MACROD2: variants seen among roughly 807,000 people sequenced by gnomAD.
MACROD2 encodes ADP-ribose glycohydrolase MACROD2.
A neutral mutation model predicts 70.4 loss-of-function variants in MACROD2; 36 were observed. The ratio of observed to expected loss-of-function variants is 0.51; its 90% confidence interval spans 0.39 to 0.68. The LOEUF is 0.68. MACROD2 is among the 30% of genes least tolerant of loss of function. MACROD2 has a pLI of 0.00. For synonymous variants in MACROD2, 172 were observed against 178.8 expected (o/e 0.96, Z 0.30); for missense variants, 496 against 538.4 (o/e 0.92, Z 0.78).
intron 6 of MACROD2, among the ~76,000 whole-genome samples, chr20:15,241,903 G>A (rs2077063284): frequency 6.6e-6 from 1 of 152,004 alleles, no homozygotes; most frequent in East Asian, 1.9e-4. Flanking sequence ...GACATGTTCT[G>A]TTGCTCACAA....
rs572017331 is a variant in MACROD2 at position 14,484,026 on chromosome 20, T to A, written c.272-9453T>A. Among the ~76,000 whole-genome samples the A allele has an allele frequency of 3.9e-5, 6 of 152,164 alleles. No individual in the cohort carries two copies. The South Asian group carries it at 6.2e-4, about 16-fold the overall frequency. ...AGGTGAAAATGTTTCATTGATGTAG[T>A]TTACATTTACATCAGAAGCACCCCA... is the stretch of plus-strand genomic sequence containing the variant. On this transcript the variant is annotated intron_variant, in intron 3 of 17. Coordinates refer to ENST00000684519, the MANE Select transcript of MACROD2 (RefSeq NM_001351661.2).
chr20:15,529,625 TG>T (rs1210883886), intron 8 of MACROD2, among the ~76,000 whole-genome samples: 1 of 151,528 alleles, frequency 6.6e-6, no homozygotes, highest in South Asian at 2.1e-4. Flanking sequence ...TTAAGTGAAT[TG>T]AAAAAAAAAT....
At chr20:14,059,726 A>T (rs1435455675) in intron 2 of MACROD2, among the ~76,000 whole-genome samples, 1 of 152,232 alleles carries the variant, frequency 6.6e-6, no homozygotes, top group African/African-American at 2.4e-5. Context: ...GATAGTCATG[A>T]ACGAAACAGG....
chr20:15,614,035 C>A (rs1384014241), intron 8 of MACROD2, among the ~76,000 whole-genome samples: 1 of 152,182 alleles, frequency 6.6e-6, no homozygotes, highest in Non-Finnish European at 1.5e-5. Context: ...ATATCAATAA[C>A]CCAGACTCAC....
At chr20:14,274,309 G>A (rs2082228754) in intron 3 of MACROD2, among the ~76,000 whole-genome samples, 1 of 152,156 alleles carries the variant, frequency 6.6e-6, no homozygotes, top group Non-Finnish European at 1.5e-5. Flanking sequence ...GATCAAGTGG[G>A]CTTCATCCCT....
chr20:14,249,440 A>T (rs1271750655), intron 3 of MACROD2, among the ~76,000 whole-genome samples: 2 of 151,796 alleles, frequency 1.3e-5, no homozygotes, highest in Non-Finnish European at 2.9e-5. Context: ...GGTGGCAGGG[A>T]TGGAGAAAAG....
At chr20:14,161,273 C>T (rs535822146) in intron 3 of MACROD2, among the ~76,000 whole-genome samples, 27 of 150,902 alleles carry the variant, frequency 1.8e-4, no homozygotes, top group African/African-American at 4.9e-4. Context: ...CTGCAATCTC[C>T]GCCTCTTGGG....
intron 8 of MACROD2, among the ~76,000 whole-genome samples, chr20:15,698,850 C>G (rs2050413910): frequency 6.6e-6 from 1 of 152,118 alleles, no homozygotes; most frequent in South Asian, 2.1e-4. Flanking sequence ...TTTCTTTCTT[C>G]TACTTGTTCA....
At chr20:14,849,546 C>T (rs117930954) in intron 5 of MACROD2, among the ~76,000 whole-genome samples, 1 of 151,876 alleles carries the variant, frequency 6.6e-6, no homozygotes, top group South Asian at 2.1e-4. Context: ...TTTGGGAGGC[C>T]GAGACAGGTG....
intron 5 of MACROD2, among the ~76,000 whole-genome samples, chr20:15,150,792 T>C (rs2076263763): frequency 6.6e-6 from 1 of 151,908 alleles, no homozygotes; most frequent in Admixed American, 6.6e-5. Flanking sequence ...AGTTAAAGTG[T>C]CTCGGCCTAA....
chr20:14,620,015 C>G (rs866432689), intron 4 of MACROD2, among the ~76,000 whole-genome samples: 28 of 152,238 alleles, frequency 1.8e-4, no homozygotes, highest in African/African-American at 6.3e-4. Context: ...TGACATTTGT[C>G]ACTTTGAGAC....
chr20:14,603,670 A>G (rs888735123), intron 4 of MACROD2, among the ~76,000 whole-genome samples: 6 of 152,176 alleles, frequency 3.9e-5, no homozygotes, highest in African/African-American at 1.4e-4. Flanking sequence ...AGTACCTATT[A>G]TAGACATGAC....
intron 4 of MACROD2, among the ~76,000 whole-genome samples, chr20:14,534,204 C>G (rs757868932): frequency 6.6e-6 from 1 of 152,162 alleles, no homozygotes; most frequent in Non-Finnish European, 1.5e-5. Flanking sequence ...TCGAGCGTTG[C>G]TTTATCTGGA....
At chr20:15,081,179 A>G (rs2075700420) in intron 5 of MACROD2, among the ~76,000 whole-genome samples, 1 of 151,908 alleles carries the variant, frequency 6.6e-6, no homozygotes, top group Non-Finnish European at 1.5e-5. Context: ...AATAAAATAA[A>G]ATTTTGTAAT....
At chr20:15,856,467 T>C (rs1308804762) in intron 8 of MACROD2, among the ~76,000 whole-genome samples, 4 of 152,252 alleles carry the variant, frequency 2.6e-5, no homozygotes, top group African/African-American at 4.8e-5. Context: ...TGTTCTCAGC[T>C]CTTCTGGCAA....
chr20:15,713,827 C>T (rs2050663996), intron 8 of MACROD2, among the ~76,000 whole-genome samples: 1 of 152,016 alleles, frequency 6.6e-6, no homozygotes, highest in African/African-American at 2.4e-5. Flanking sequence ...AAAAGGTAAA[C>T]ACAGAAGTTA....
chr20:14,893,533 A>G (rs1186354727), intron 5 of MACROD2: 4 of 152,160 alleles, frequency 2.6e-5, no homozygotes, highest in Non-Finnish European at 2.9e-5. Flanking sequence ...ATATTTGCAT[A>G]TGGAGATTAG....
chr20:16,036,561 T>C (rs1324962811), intron 15 of MACROD2, among the ~76,000 whole-genome samples: 1 of 152,002 alleles, frequency 6.6e-6, no homozygotes, highest in Non-Finnish European at 1.5e-5. Flanking sequence ...TTGTTTGTGT[T>C]TCAACCAGCA....
At chr20:15,394,707 T>C (rs1401476144) in intron 6 of MACROD2, among the ~76,000 whole-genome samples, 1 of 152,202 alleles carries the variant, frequency 6.6e-6, no homozygotes, top group Non-Finnish European at 1.5e-5. Flanking sequence ...ATTACACAAG[T>C]GTATTCCACC....
Sources: allele counts gnomAD v4.1 joint callset (sites outside exome capture counted in the v4.1 genomes callset), GRCh38; gene constraint gnomAD v4.1.1; transcripts MANE v1.5; gene names NCBI Gene and HGNC (gene_info 2026-07-23, HGNC 2026-07-21).